The following MAD1L1 variants were observed in gnomAD, a reference collection of about 807,000 sequenced individuals.
MAD1L1 encodes the protein mitotic arrest deficient 1 like 1, also known as mitotic spindle assembly checkpoint protein MAD1.
MAD1L1 carries 95 observed loss-of-function variants against 96.9 expected under a neutral mutation model. The observed-to-expected ratio is 0.98, with a 90% CI of 0.83 to 1.16. The LOEUF is 1.16. Among genes scored for constraint, MAD1L1 ranks in the 50% most tolerant of loss-of-function variants. The pLI is 0.00. For missense variants in MAD1L1, 1,007 were observed against 954.4 expected (o/e 1.06, Z -0.73); for synonymous variants, 473 against 396.6 (o/e 1.19, Z -2.29).
chr7:2,023,004 G>A (rs1336160794), intron 12 of MAD1L1, among the ~76,000 whole-genome samples: 1 of 152,194 alleles, frequency 6.6e-6, no homozygotes, highest in Non-Finnish European at 1.5e-5. Context: ...CCCTTAACAT[G>A]CATCTACTTA....
intron 10 of MAD1L1, among the ~76,000 whole-genome samples, chr7:2,161,297 G>A (rs943376356): frequency 4.6e-5 from 7 of 151,970 alleles, no homozygotes; most frequent in East Asian, 1.9e-4. Context: ...TGGTGGAGAC[G>A]GGGTTTCGCT....
chr7:2,100,853 C>T (rs1474094427), intron 11 of MAD1L1, among the ~76,000 whole-genome samples: 1 of 152,254 alleles, frequency 6.6e-6, no homozygotes, highest in Admixed American at 6.5e-5. Context: ...GGAGGCGCGG[C>T]TCCAGCATGA....
chr7:1,880,631 A>T (rs1461089607), intron 18 of MAD1L1, among the ~76,000 whole-genome samples: 1 of 152,202 alleles, frequency 6.6e-6, no homozygotes, highest in Non-Finnish European at 1.5e-5. Flanking sequence ...CAGGGGCCCC[A>T]CACCAAACCC....
chr7:1,955,987 G>C (rs1583909747), intron 16 of MAD1L1, among the ~76,000 whole-genome samples: 1 of 140,296 alleles, frequency 7.1e-6, no homozygotes, highest in East Asian at 2.5e-4. Context: ...AAGGTGGGTG[G>C]GGGGGTGGGG....
intron 12 of MAD1L1, among the ~76,000 whole-genome samples, chr7:2,030,752 A>G (rs1300720648): frequency 6.6e-6 from 1 of 152,338 alleles, no homozygotes; most frequent in East Asian, 1.9e-4. Context: ...GAAGGGCAAT[A>G]CTGTGGGTCA....
intron 12 of MAD1L1, among the ~76,000 whole-genome samples, chr7:2,048,482 C>T (rs780823541): frequency 1.3e-5 from 2 of 152,178 alleles, no homozygotes; most frequent in East Asian, 1.9e-4. Context: ...CGCTATACAT[C>T]GAATGCCCAC....
rs148717499 is a variant in MAD1L1 at position 1,938,480 on chromosome 7, C to T, written c.1597-1583G>A. On this transcript the variant is annotated intron_variant, in intron 16 of 18. Coordinates refer to ENST00000265854, the MANE Select transcript of MAD1L1 (RefSeq NM_001013836.2). ...TTCATCCACTGAAACAGTGGAAAGG[C>T]ACCCACAGAGCAGGAGGTGCTGTTT... Among the ~76,000 whole-genome samples, 12 of 152,220 alleles carry T rather than the reference C, an allele frequency of 7.9e-5. No individual in the cohort carries two copies. The East Asian group carries it at 2.3e-3, about 29-fold the overall frequency.
At position 2,036,748 on chromosome 7, in the gene MAD1L1, T is replaced by G. The variant is rs1037153191; in HGVS notation, c.1219-22106A>C. 3.3e-5 allele frequency among the ~76,000 whole-genome samples: 5 copies of G among 152,038 alleles called. No homozygotes were observed. The South Asian group carries it at 1.0e-3, about 32-fold the overall frequency. ...CAAGGCCAGGGCTCCTGATCAGAGG[T>G]GCTGTAAAGACTCAACAGCCCTGGC... On this transcript the variant is annotated intron_variant, in intron 12 of 18. Coordinates refer to ENST00000265854, the MANE Select transcript of MAD1L1 (RefSeq NM_001013836.2).
At chr7:2,078,017 T>C (rs907321616) in intron 11 of MAD1L1, among the ~76,000 whole-genome samples, 2 of 152,176 alleles carry the variant, frequency 1.3e-5, no homozygotes, top group African/African-American at 4.8e-5. Flanking sequence ...CTGAGCATGT[T>C]CAGGCATCCA....
chr7:1,913,502 G>A (rs993293600), intron 17 of MAD1L1, among the ~76,000 whole-genome samples: 47 of 152,174 alleles, frequency 3.1e-4, no homozygotes, highest in African/African-American at 1.1e-3. Flanking sequence ...GAGCTGTAGC[G>A]GCAGCCAGGC....
chr7:2,139,238 C>T (rs548023129), intron 11 of MAD1L1, among the ~76,000 whole-genome samples: 4 of 151,944 alleles, frequency 2.6e-5, no homozygotes, highest in African/African-American at 9.7e-5. Context: ...CACGGCCCGA[C>T]CCCCTGAGCC....
intron 15 of MAD1L1, among the ~76,000 whole-genome samples, chr7:1,965,515 C>A (rs992972878): frequency 2.0e-5 from 3 of 152,240 alleles, no homozygotes; most frequent in Non-Finnish European, 4.4e-5. Context: ...GGCTGCTGTA[C>A]CAGGAGCTCA....
At chr7:2,218,106 C>T in intron 6 of MAD1L1, 63 bp from the exon 7 acceptor site, 1 of 1,263,996 alleles carries the variant, frequency 7.9e-7, no homozygotes, top group Non-Finnish European at 1.2e-6. Flanking sequence ...CAATTCTCCT[C>T]AGCCTGAGAC....
chr7:1,998,135 A>C (rs552834783), intron 14 of MAD1L1, among the ~76,000 whole-genome samples: 17 of 152,298 alleles, frequency 1.1e-4, no homozygotes, highest in Non-Finnish European at 1.6e-4. Context: ...CGCTGCACCA[A>C]GCGCACCTCA....
intron 10 of MAD1L1, among the ~76,000 whole-genome samples, chr7:2,182,089 T>G (rs751113977): frequency 6.6e-6 from 1 of 152,020 alleles, no homozygotes; most frequent in African/African-American, 2.4e-5. Flanking sequence ...AGCTTTTCCA[T>G]GCAATCAAAC....
chr7:1,834,991 T>TA (rs938441011), intron 18 of MAD1L1, among the ~76,000 whole-genome samples: 4 of 152,048 alleles, frequency 2.6e-5, no homozygotes, highest in Non-Finnish European at 5.9e-5. Flanking sequence ...ATCCTAAGAA[T>TA]ACAAGGTTGG....
At chr7:1,830,100 A>G (rs1445675288) in intron 18 of MAD1L1, among the ~76,000 whole-genome samples, 2 of 152,226 alleles carry the variant, frequency 1.3e-5, no homozygotes, top group African/African-American at 2.4e-5. Flanking sequence ...GGATGCAAAC[A>G]GGGGCTTACA....
At chr7:2,164,349 C>T (rs1289183523) in intron 10 of MAD1L1, among the ~76,000 whole-genome samples, 1 of 152,192 alleles carries the variant, frequency 6.6e-6, no homozygotes, top group Non-Finnish European at 1.5e-5. Context: ...AAGGGCCCAG[C>T]TGAGCCTCAG....
rs1562750704 is a variant in MAD1L1, at chr7:2,169,765, CTGGGGGCACT to C, written c.987-20537_987-20528del. Among the ~76,000 whole-genome samples, 25 of 143,072 alleles carry C rather than the reference CTGGGGGCACT, an allele frequency of 1.7e-4. 2 individuals are homozygous for C. Among genetic ancestry groups the C allele is most frequent in the African/African-American group, 5.3e-4 (18 of 34,098 alleles). 93.9% of individuals were successfully genotyped at this position (143,072 alleles called of 152,430 possible). On this transcript the variant is annotated intron_variant, in intron 10 of 18. Transcript: ENST00000265854. ...CCAGGACTGAGAGCACAAAGGCCCA[CTGGGGGCACT>C]CGGAGCAGGGGCTGGACCACAGTCT...
Sources: allele counts gnomAD v4.1 joint callset (sites outside exome capture counted in the v4.1 genomes callset), GRCh38; gene constraint gnomAD v4.1.1; transcripts MANE v1.5; gene names NCBI Gene and HGNC (gene_info 2026-07-23, HGNC 2026-07-21).